SYN3: variants seen among roughly 807,000 people sequenced by gnomAD.
SYN3 encodes the protein synapsin-3.
In SYN3, 35 loss-of-function variants were observed where a neutral mutation model predicts 65.8. That is an observed-to-expected ratio of 0.53 (90% CI 0.41 to 0.70). The LOEUF (loss-of-function observed/expected upper bound fraction) is 0.70. Ranked by LOEUF, SYN3 falls within the 30% of genes least tolerant of loss-of-function variation. SYN3 has a pLI of 0.00. For synonymous variants in SYN3, 270 were observed against 292.9 expected (o/e 0.92, Z 0.80); for missense variants, 680 against 749.0 (o/e 0.91, Z 1.08).
intron 6 of SYN3, among the ~76,000 whole-genome samples, chr22:32,681,952 A>G (rs920651630): frequency 3.1e-5 from 3 of 95,314 alleles, no homozygotes; most frequent in Non-Finnish European, 8.3e-5. Flanking sequence ...ACGAAGCCAC[A>G]TTATGATGGT....
chr22:33,011,764 TTTTG>T (rs1046442199), intron 1 of SYN3, among the ~76,000 whole-genome samples: 108 of 152,304 alleles, frequency 7.1e-4, no homozygotes, highest in Middle Eastern at 3.4e-3. Flanking sequence ...GCTATTCATA[TTTTG>T]TTTTTCTTTT....
At chr22:32,602,075 T>C (rs1569080417) in intron 6 of SYN3, among the ~76,000 whole-genome samples, 1 of 152,304 alleles carries the variant, frequency 6.6e-6, no homozygotes, top group South Asian at 2.1e-4. Flanking sequence ...CATTACCTTA[T>C]AATTTTTATA....
chr22:32,892,618 C>T (rs771360413), intron 4 of SYN3, among the ~76,000 whole-genome samples: 5 of 152,160 alleles, frequency 3.3e-5, no homozygotes, highest in African/African-American at 1.2e-4. Context: ...TTGGAGAGAT[C>T]TATTTTAAAG....
chr22:32,853,010 T>TG (rs2048266229), intron 6 of SYN3, among the ~76,000 whole-genome samples: 1 of 152,204 alleles, frequency 6.6e-6, no homozygotes, highest in African/African-American at 2.4e-5. Flanking sequence ...GAGGGTCCCA[T>TG]GGGGAGACCC....
intron 3 of SYN3, among the ~76,000 whole-genome samples, chr22:32,954,070 A>G (rs1322382451): frequency 6.6e-6 from 1 of 152,012 alleles, no homozygotes; most frequent in Non-Finnish European, 1.5e-5. Context: ...CTTCCTGCTC[A>G]GGGTTCCTGA....
intron 12 of SYN3, among the ~76,000 whole-genome samples, chr22:32,520,637 G>A (rs965633471): frequency 7.2e-5 from 11 of 152,170 alleles, no homozygotes; most frequent in African/African-American, 2.7e-4. Context: ...AAGAAAAGGC[G>A]GCTTCCTTCA....
At chr22:33,055,874 C>T (rs140704142) in intron 1 of SYN3, among the ~76,000 whole-genome samples, 1 of 152,280 alleles carries the variant, frequency 6.6e-6, no homozygotes, top group Non-Finnish European at 1.5e-5. Context: ...CCTAGGATAG[C>T]GCCTACTCCT....
In SYN3 at chr22:33,039,622, CTGACCTCATG is replaced by C. The variant is rs1338045941; in HGVS notation, c.-163+18660_-163+18669del. Among the ~76,000 whole-genome samples the C allele has an allele frequency of 4.6e-5, 7 of 152,194 alleles. No individual in the cohort carries two copies. The East Asian group carries it at 1.2e-3, about 25-fold the overall frequency. ...TGTTGGCCAGGCTGGTCTCGAACTC[CTGACCTCATG>C]TGACCTCATGTGATCCGCCCACCTT... is the stretch of plus-strand genomic sequence containing the variant. On this transcript the variant is annotated intron_variant, in intron 1 of 13. Coordinates refer to ENST00000358763, the MANE Select transcript of SYN3 (RefSeq NM_003490.4).
At chr22:32,970,980 AT>A (rs1214651519) in intron 3 of SYN3, among the ~76,000 whole-genome samples, 1 of 152,232 alleles carries the variant, frequency 6.6e-6, no homozygotes, top group East Asian at 1.9e-4. Context: ...GCTGTGTCAC[AT>A]GCCTGGGCAA....
intron 6 of SYN3, among the ~76,000 whole-genome samples, chr22:32,836,364 A>G (rs1279053252): frequency 6.6e-6 from 1 of 152,180 alleles, no homozygotes; most frequent in East Asian, 1.9e-4. Flanking sequence ...CTTCTTTATC[A>G]ATGACTCCAT....
intron 7 of SYN3, among the ~76,000 whole-genome samples, chr22:32,553,359 A>G (rs2146310684): frequency 6.6e-6 from 1 of 152,370 alleles, no homozygotes; most frequent in East Asian, 1.9e-4. Flanking sequence ...TACTTGAAAA[A>G]ATTATATACA....
At chr22:33,036,105 CT>C (rs1449113779) in intron 1 of SYN3, among the ~76,000 whole-genome samples, 1 of 152,138 alleles carries the variant, frequency 6.6e-6, no homozygotes, top group Non-Finnish European at 1.5e-5. Context: ...AAGCATTTGC[CT>C]TACCGCCTAC....
intron 4 of SYN3, among the ~76,000 whole-genome samples, chr22:32,897,278 C>G (rs2049621132): frequency 6.6e-6 from 1 of 152,178 alleles, no homozygotes; most frequent in African/African-American, 2.4e-5. Flanking sequence ...GACTCTCTCT[C>G]TAATCTCCTG....
At chr22:32,733,208 T>C (rs1040696485) in intron 6 of SYN3, among the ~76,000 whole-genome samples, 3 of 152,148 alleles carry the variant, frequency 2.0e-5, no homozygotes, top group South Asian at 4.1e-4. Flanking sequence ...AAGCGAAATT[T>C]GATTGAAGGG....
At chr22:32,994,698 C>T (rs756981120) in intron 2 of SYN3, among the ~76,000 whole-genome samples, 6 of 152,130 alleles carry the variant, frequency 3.9e-5, no homozygotes, top group African/African-American at 1.4e-4. Context: ...ATCCTCACAG[C>T]GGAGGGACTG....
intron 1 of SYN3, among the ~76,000 whole-genome samples, chr22:33,024,441 C>A (rs531307906): frequency 1.2e-3 from 177 of 152,278 alleles, no homozygotes; most frequent in African/African-American, 4.1e-3. Context: ...CTAAATGACC[C>A]AAATGATTCA....
chr22:32,766,614 C>T (rs2045635243), intron 6 of SYN3, among the ~76,000 whole-genome samples: 1 of 152,212 alleles, frequency 6.6e-6, no homozygotes. Context: ...ACATCATCAC[C>T]TGATTTTGTC....
At chr22:32,935,932 T>C (rs1209156381) in intron 3 of SYN3, among the ~76,000 whole-genome samples, 3 of 152,232 alleles carry the variant, frequency 2.0e-5, no homozygotes, top group African/African-American at 7.2e-5. Flanking sequence ...ATAATATCTA[T>C]CTTTAAATGT....
At chr22:32,644,588 T>C (rs1388052812) in intron 6 of SYN3, among the ~76,000 whole-genome samples, 1 of 152,154 alleles carries the variant, frequency 6.6e-6, no homozygotes, top group Non-Finnish European at 1.5e-5. Flanking sequence ...CGCTCGCACA[T>C]GCAGGCACAT....
Sources: allele counts gnomAD v4.1 joint callset (sites outside exome capture counted in the v4.1 genomes callset), GRCh38; gene constraint gnomAD v4.1.1; transcripts MANE v1.5; gene names NCBI Gene and HGNC (gene_info 2026-07-23, HGNC 2026-07-21).